The following ELP4 variants were observed in gnomAD, a reference collection of about 807,000 sequenced individuals.
ELP4 encodes elongator acetyltransferase complex subunit 4.
Under a neutral mutation model 48.9 loss-of-function variants are expected in ELP4, and 51 were observed. That is an observed-to-expected ratio of 1.04 (90% CI 0.83 to 1.32). The LOEUF (loss-of-function observed/expected upper bound fraction) is 1.32. Among genes scored for constraint, ELP4 ranks in the 40% most tolerant of loss-of-function variants. ELP4 has a pLI of 0.00. For synonymous variants in ELP4, 210 were observed against 189.2 expected, an observed-to-expected ratio of 1.11 and a Z score of -0.90; for missense variants, 519 against 514.6, an observed-to-expected ratio of 1.01 and a Z score of -0.08.
At chr11:31,753,434 T>C (rs1019626037) in intron 9 of ELP4, among the ~76,000 whole-genome samples, 1 of 152,166 alleles carries the variant, frequency 6.6e-6, no homozygotes, top group Non-Finnish European at 1.5e-5. Flanking sequence ...AAATAACAAC[T>C]ATCATGTCAT....
At chr11:31,712,112 A>T (rs1291077231) in intron 9 of ELP4, among the ~76,000 whole-genome samples, 1 of 152,078 alleles carries the variant, frequency 6.6e-6, no homozygotes, top group African/African-American at 2.4e-5. Flanking sequence ...TACCATCATT[A>T]TGAACAACCT....
At chr11:31,629,273 A>G (rs1012774363) in intron 6 of ELP4, among the ~76,000 whole-genome samples, 9 of 152,034 alleles carry the variant, frequency 5.9e-5, no homozygotes, top group African/African-American at 2.2e-4. Context: ...GAATAAAACT[A>G]TTTATTGTAC....
At chr11:31,639,191 A>G (rs1379695275) in intron 7 of ELP4, among the ~76,000 whole-genome samples, 3 of 151,858 alleles carry the variant, frequency 2.0e-5, no homozygotes, top group Non-Finnish European at 2.9e-5. Flanking sequence ...TTAACTGAGA[A>G]TCTGCCTTTA....
In ELP4 at chr11:31,516,024, T is replaced by G. The variant is rs147656115; in HGVS notation, c.224-4032T>G. On this transcript the variant is annotated intron_variant, in intron 1 of 9. Coordinates refer to ENST00000640961, the MANE Select transcript of ELP4 (RefSeq NM_019040.5). ...TACTTGGGAGGCAGAGGCAGGAGAATGGGGGGTGAAACCAGGAGGCGGAGC... is the reference window on the plus strand; with the variant it reads ...TACTTGGGAGGCAGAGGCAGGAGAAGGGGGGGTGAAACCAGGAGGCGGAGC... Among the ~76,000 whole-genome samples, 333 of 151,506 alleles carry G rather than the reference T, an allele frequency of 2.2e-3. 1 individual carries two copies. The highest frequency in any genetic ancestry group is 3.1e-3 in the Non-Finnish European group (210 of 67,800).
intron 3 of ELP4, chr11:31,541,388 C>T (rs1296922465): frequency 6.6e-6 from 1 of 151,852 alleles, no homozygotes; most frequent in Non-Finnish European, 1.5e-5. Context: ...TTTTCTTTTG[C>T]TCTGTTTTCT....
At chr11:31,676,480 T>G (rs111960219) in intron 9 of ELP4, among the ~76,000 whole-genome samples, 19 of 152,222 alleles carry the variant, frequency 1.2e-4, no homozygotes, top group African/African-American at 4.3e-4. Flanking sequence ...ACAAGGATTT[T>G]TGTACATTCC....
chr11:31,567,148 G>T (rs561757550), intron 3 of ELP4, among the ~76,000 whole-genome samples: 2 of 152,106 alleles, frequency 1.3e-5, no homozygotes, highest in South Asian at 4.2e-4. Context: ...GGTCAGGCTG[G>T]TCTCGAACTC....
At chr11:31,600,247 T>C (rs1957755795) in intron 4 of ELP4, 1 of 152,118 alleles carries the variant, frequency 6.6e-6, no homozygotes, top group African/African-American at 2.4e-5. Context: ...CTCTCTAAGG[T>C]GGACATACCT....
At chr11:31,686,992 TCATCAC>T (rs1172249455) in intron 9 of ELP4, among the ~76,000 whole-genome samples, 2 of 152,050 alleles carry the variant, frequency 1.3e-5, no homozygotes, top group Admixed American at 6.5e-5. Context: ...GTGATCATCA[TCATCAC>T]CATCACCATC....
At chr11:31,627,319 C>T in intron 6 of ELP4, 125 bp downstream of exon 6, 2 of 597,932 alleles carry the variant, frequency 3.3e-6, no homozygotes, top group Non-Finnish European at 5.9e-6. Context: ...TTTTCAAGCA[C>T]AGAACATGTA....
intron 3 of ELP4, among the ~76,000 whole-genome samples, chr11:31,576,750 A>G (rs899719619): frequency 6.6e-6 from 1 of 152,204 alleles, no homozygotes; most frequent in East Asian, 1.9e-4. Context: ...CAATGAGAAC[A>G]AAGACACAAC....
rs147126381 is a variant in ELP4, at chr11:31,589,494, G to A, written c.382-5276G>A. Among the ~76,000 whole-genome samples, 18 of 152,194 alleles carry A rather than the reference G, an allele frequency of 1.2e-4. 1 individual carries two copies. The East Asian group carries it at 2.5e-3, about 21-fold the overall frequency. On this transcript the variant is annotated intron_variant, in intron 3 of 9. Coordinates refer to ENST00000640961, the MANE Select transcript of ELP4 (RefSeq NM_019040.5). ...TTTATGTACTCCTTTTTTACTGTAC[G>A]ATAAGTCTCATATATGCATTTGAAG...
intron 9 of ELP4, 128 bp downstream of exon 9, chr11:31,650,349 T>C: frequency 2.3e-6 from 1 of 439,062 alleles, no homozygotes; most frequent in South Asian, 7.1e-5. Flanking sequence ...TGTTTTATGC[T>C]AAGTATTTTT....
Position 31,788,484 on chromosome 11 carries a change from GA to G in ELP4, c.*4965del. On this transcript the variant is annotated 3_prime_UTR_variant, in exon 10 of 10. Coordinates refer to ENST00000640961, the MANE Select transcript of ELP4 (RefSeq NM_019040.5). Reference sequence around the variant, plus strand: ...GACAGAAAAGGGAGAGGGCCTATTTGAAAAAGGCAACAGCTTTCAGAAAGTC... The same window carrying G: ...GACAGAAAAGGGAGAGGGCCTATTTGAAAAGGCAACAGCTTTCAGAAAGTC... 4.5e-6 allele frequency: 1 copy of G among 223,878 alleles called. No homozygotes were observed. Among genetic ancestry groups the G allele is most frequent in the Non-Finnish European group, 8.9e-6 (1 of 112,142 alleles). 13.9% of individuals were successfully genotyped at this position (223,878 alleles called of 1,614,324 possible).
chr11:31,547,172 C>G (rs1956742756), intron 3 of ELP4, among the ~76,000 whole-genome samples: 1 of 152,006 alleles, frequency 6.6e-6, no homozygotes, highest in Admixed American at 6.6e-5. Context: ...ACAAAAAGCC[C>G]TTCAAAAAAT....
At chr11:31,707,229 A>G in intron 9 of ELP4, 1 of 376,532 alleles carries the variant, frequency 2.7e-6, no homozygotes, top group Non-Finnish European at 4.7e-6. Flanking sequence ...AATACCAGAT[A>G]TATATAATTT....
chr11:31,672,939 A>T (rs544204583), intron 9 of ELP4, among the ~76,000 whole-genome samples: 6 of 152,358 alleles, frequency 3.9e-5, no homozygotes, highest in Admixed American at 6.5e-5. Context: ...CTAAGTTTAC[A>T]TGGAAAGGTA....
intron 3 of ELP4, among the ~76,000 whole-genome samples, chr11:31,591,431 G>A (rs1030064270): frequency 5.6e-5 from 8 of 142,486 alleles, no homozygotes; most frequent in African/African-American, 2.1e-4. Flanking sequence ...AAGGGGGGGG[G>A]GGGGTATAAA....
At chr11:31,533,496 G>A (rs965552225) in intron 2 of ELP4, among the ~76,000 whole-genome samples, 1 of 145,940 alleles carries the variant, frequency 6.9e-6, no homozygotes, top group Non-Finnish European at 1.5e-5. Flanking sequence ...TCCTGCCTCA[G>A]CCTGCCAAGT....
Sources: gnomAD v4.1 joint callset for allele counts (sites outside exome capture counted in the v4.1 genomes callset) on GRCh38, gnomAD v4.1.1 for gene constraint, MANE v1.5 for transcripts, NCBI Gene and HGNC (gene_info 2026-07-23, HGNC 2026-07-21) for gene names.